The following AUH variants were observed in gnomAD, a reference collection of about 807,000 sequenced individuals.
AUH encodes the protein AU RNA binding methylglutaconyl-CoA hydratase, also known as methylglutaconyl-CoA hydratase, mitochondrial.
A neutral mutation model predicts 42.3 loss-of-function variants in AUH; 29 were observed. The ratio of observed to expected loss-of-function variants is 0.69; its 90% CI spans 0.51 to 0.93. The LOEUF is 0.93. Ranked by LOEUF, AUH falls within the 40% of genes least tolerant of loss-of-function variation. AUH has a pLI of 0.00. For missense variants in AUH, 452 were observed against 438.1 expected (o/e 1.03, Z -0.28); for synonymous variants, 174 against 166.4 (o/e 1.05, Z -0.35).
intron 6 of AUH, among the ~76,000 whole-genome samples, chr9:91,261,354 C>T (rs1029629173): frequency 2.0e-5 from 3 of 152,102 alleles, no homozygotes; most frequent in African/African-American, 7.2e-5. Context: ...GATAGTATGG[C>T]CCTACCAAAG....
Position 91,239,993 on chromosome 9 carries a change from ATATT to A in AUH, c.656-19005_656-19002del, listed in dbSNP as rs1346462795. ...CACTTTTGTGATACAGCTTTCATTA[ATATT>A]TATTATAGAAAGCTTTTTCAACTAT... On this transcript the variant is annotated intron_variant, in intron 6 of 9. Transcript: ENST00000375731. 6.6e-5 allele frequency among the ~76,000 whole-genome samples: 10 copies of A among 152,346 alleles called. No homozygotes were observed. In the East Asian group the frequency reaches 1.7e-3, roughly 26 times the overall value.
chr9:91,335,731 T>C (rs1018193785), intron 3 of AUH, among the ~76,000 whole-genome samples: 2 of 152,230 alleles, frequency 1.3e-5, no homozygotes, highest in African/African-American at 4.8e-5. Context: ...CTTTCTAATT[T>C]CCATTAAGAT....
chr9:91,268,085 C>G (rs1830073676), intron 6 of AUH, among the ~76,000 whole-genome samples: 1 of 152,184 alleles, frequency 6.6e-6, no homozygotes, highest in Non-Finnish European at 1.5e-5. Context: ...TAAAACCCCA[C>G]AGAGTCAACC....
intron 4 of AUH, among the ~76,000 whole-genome samples, chr9:91,304,586 T>C (rs919355410): frequency 7.2e-5 from 11 of 152,162 alleles, no homozygotes; most frequent in East Asian, 1.9e-4. Context: ...ATAGGAAATA[T>C]ATAACACAAA....
chr9:91,222,016 G>T (rs1228605281), intron 6 of AUH, among the ~76,000 whole-genome samples: 2 of 152,112 alleles, frequency 1.3e-5, no homozygotes, highest in African/African-American at 2.4e-5. Context: ...GCAGCAGACT[G>T]CCCCCTTGCA....
chr9:91,313,821 CTCTT>C (rs1828919190), intron 4 of AUH, among the ~76,000 whole-genome samples: 4 of 112,308 alleles, frequency 3.6e-5, no homozygotes, highest in Admixed American at 1.6e-4. Context: ...TCCATAAACG[CTCTT>C]TTTTTTTTTT....
At chr9:91,298,765 G>C (rs76491056) in intron 4 of AUH, among the ~76,000 whole-genome samples, 3,838 of 152,250 alleles carry the variant, frequency 0.025, 77 homozygotes, top group East Asian at 0.066. Context: ...TACAACTTTT[G>C]TAAATTATGA....
chr9:91,276,054 A>G (rs991317366), intron 6 of AUH, among the ~76,000 whole-genome samples: 2 of 152,196 alleles, frequency 1.3e-5, no homozygotes, highest in African/African-American at 2.4e-5. Flanking sequence ...ACCAGAGCCA[A>G]TATCAAATAC....
chr9:91,336,456 C>A (rs1400721953), intron 3 of AUH, among the ~76,000 whole-genome samples: 7 of 151,856 alleles, frequency 4.6e-5, no homozygotes, highest in Admixed American at 1.3e-4. Context: ...ATGGCAAAAC[C>A]CTGTCTCTAC....
intron 4 of AUH, among the ~76,000 whole-genome samples, chr9:91,309,253 C>A (rs1407682718): frequency 2.0e-5 from 3 of 151,838 alleles, no homozygotes; most frequent in Non-Finnish European, 4.4e-5. Flanking sequence ...CACCTCCCAC[C>A]AGGCCCCACC....
chr9:91,289,126 G>C (rs1218261842), intron 6 of AUH, among the ~76,000 whole-genome samples: 1 of 152,104 alleles, frequency 6.6e-6, no homozygotes, highest in Non-Finnish European at 1.5e-5. Context: ...CAAATAAGGA[G>C]ATACAATTTC....
intron 6 of AUH, among the ~76,000 whole-genome samples, chr9:91,288,280 A>T (rs1364165268): frequency 2.6e-5 from 4 of 152,176 alleles, no homozygotes; most frequent in Admixed American, 1.3e-4. Context: ...AAATAAAAGG[A>T]TCTTAATCCT....
At chr9:91,336,613 T>C (rs1262022690) in intron 3 of AUH, among the ~76,000 whole-genome samples, 1 of 143,108 alleles carries the variant, frequency 7.0e-6, no homozygotes, top group Non-Finnish European at 1.5e-5. Context: ...CCAGCCTGGG[T>C]GACAGAGCAA....
chr9:91,233,358 A>C (rs1587655547), intron 6 of AUH, among the ~76,000 whole-genome samples: 1 of 152,162 alleles, frequency 6.6e-6, no homozygotes, highest in Non-Finnish European at 1.5e-5. Flanking sequence ...GTGGAGCACA[A>C]GGAGGTCCAG....
At chr9:91,264,154 T>C (rs915268693) in intron 6 of AUH, among the ~76,000 whole-genome samples, 9 of 152,220 alleles carry the variant, frequency 5.9e-5, no homozygotes, top group Non-Finnish European at 1.3e-4. Context: ...TGTGTGTATA[T>C]ACACAATTTA....
chr9:91,305,600 T>C (rs1345440494), intron 4 of AUH, among the ~76,000 whole-genome samples: 6 of 152,188 alleles, frequency 3.9e-5, no homozygotes, highest in Admixed American at 2.6e-4. Flanking sequence ...AAGCCTATCA[T>C]TTCCCCACCT....
intron 7 of AUH, chr9:91,218,483 T>G (rs1826952321): frequency 2.6e-6 from 1 of 378,706 alleles, no homozygotes; most frequent in South Asian, 1.1e-4. Flanking sequence ...ATCCCCATCC[T>G]CCTTGTTAAA....
At chr9:91,276,203 C>T (rs185487832) in intron 6 of AUH, among the ~76,000 whole-genome samples, 62 of 152,150 alleles carry the variant, frequency 4.1e-4, no homozygotes, top group Middle Eastern at 3.4e-3. Flanking sequence ...CCAAGGCAGG[C>T]GGATCACTTG....
intron 6 of AUH, among the ~76,000 whole-genome samples, chr9:91,280,747 C>T (rs1176275816): frequency 4.6e-5 from 7 of 152,210 alleles, no homozygotes; most frequent in Non-Finnish European, 7.4e-5. Flanking sequence ...GGGCTAGGCC[C>T]CTTGGTCTTA....
Sources: allele counts gnomAD v4.1 joint callset (sites outside exome capture counted in the v4.1 genomes callset), GRCh38; gene constraint gnomAD v4.1.1; transcripts MANE v1.5; gene names NCBI Gene and HGNC (gene_info 2026-07-23, HGNC 2026-07-21).